Variants in DNAH14 observed in about 807,000 individuals in gnomAD.
The protein encoded by DNAH14 is dynein axonemal heavy chain 14.
Under a neutral mutation model 520.9 loss-of-function variants are expected in DNAH14, and 478 were observed. That is an observed-to-expected ratio of 0.92 (90% CI 0.85 to 0.99). The LOEUF is 0.99. Ranked by LOEUF, DNAH14 falls within the 50% of genes least tolerant of loss-of-function variation. The pLI, the probability that DNAH14 is intolerant of heterozygous loss-of-function variation, is 0.00. For missense variants in DNAH14, 4,831 were observed against 5,234.5 expected, an observed-to-expected ratio of 0.92 and a Z score of 2.38; for synonymous variants, 1,581 against 1,757.2, an observed-to-expected ratio of 0.90 and a Z score of 2.51.
intron 15 of DNAH14, among the ~76,000 whole-genome samples, chr1:225,049,335 A>G (rs191745144): frequency 1.3e-5 from 2 of 151,982 alleles, no homozygotes; most frequent in East Asian, 3.9e-4. Flanking sequence ...TGCTGGGATT[A>G]CATGCAGGGG....
chr1:225,290,847 TCAAA>T (rs2093871961), intron 55 of DNAH14, among the ~76,000 whole-genome samples: 1 of 151,526 alleles, frequency 6.6e-6, no homozygotes, highest in Non-Finnish European at 1.5e-5. Context: ...ATTCATTATC[TCAAA>T]CATTTATCAT....
At chr1:225,133,511 T>A (rs533185059) in intron 27 of DNAH14, among the ~76,000 whole-genome samples, 1 of 152,088 alleles carries the variant, frequency 6.6e-6, no homozygotes, top group Non-Finnish European at 1.5e-5. Context: ...GTTTTGATCA[T>A]GTTTGTGGAA....
At chr1:225,277,594 C>A in intron 54 of DNAH14, 92 bp downstream of exon 54, 1 of 422,596 alleles carries the variant, frequency 2.4e-6, no homozygotes, top group Non-Finnish European at 4.9e-6. Flanking sequence ...TTTATTTAGC[C>A]ACACTTTGTG....
intron 42 of DNAH14, among the ~76,000 whole-genome samples, chr1:225,238,223 T>G (rs1361383446): frequency 6.6e-6 from 1 of 152,248 alleles, no homozygotes; most frequent in Non-Finnish European, 1.5e-5. Flanking sequence ...CATTTTTGCA[T>G]TGATTCTTTC....
intron 84 of DNAH14, among the ~76,000 whole-genome samples, chr1:225,393,814 G>GTTTTTTTTTTTTTTTTTTTTT (rs1354333069): frequency 7.0e-6 from 1 of 143,120 alleles, no homozygotes. Context: ...ATCTTTTTTT[G>GTTTTTTTTTTTTTTTTTTTTT]TTTTTTTTTT....
chr1:225,164,750 T>C (rs2081880204), intron 35 of DNAH14, among the ~76,000 whole-genome samples: 1 of 152,082 alleles, frequency 6.6e-6, no homozygotes, highest in African/African-American at 2.4e-5. Flanking sequence ...ATTTGTCCCT[T>C]TCAAGATAAG....
At chr1:224,933,068 A>G (rs1341658947) in intron 1 of DNAH14, among the ~76,000 whole-genome samples, 1 of 152,048 alleles carries the variant, frequency 6.6e-6, no homozygotes, top group African/African-American at 2.4e-5. Flanking sequence ...TGAGCATGGG[A>G]TGCTTTTTTA....
intron 10 of DNAH14, among the ~76,000 whole-genome samples, chr1:225,009,498 G>A (rs1439597187): frequency 1.3e-5 from 2 of 152,148 alleles, no homozygotes; most frequent in African/African-American, 4.8e-5. Flanking sequence ...TGCTGTTTTG[G>A]TTACTGCAGC....
intron 13 of DNAH14, among the ~76,000 whole-genome samples, chr1:225,043,521 G>C (rs939657883): frequency 5.3e-5 from 8 of 152,106 alleles, no homozygotes; most frequent in African/African-American, 1.9e-4. Flanking sequence ...CAGAGCCGAG[G>C]GCCCCGTTCA....
chr1:225,168,076 G>A (rs2082208261), intron 36 of DNAH14, 48 bp downstream of exon 36: 1 of 1,098,400 alleles, frequency 9.1e-7, no homozygotes, highest in African/African-American at 1.6e-5. Context: ...TATTTCAATA[G>A]GAATTAATAA....
chr1:225,297,522 G>A (rs1407361641), intron 55 of DNAH14, among the ~76,000 whole-genome samples: 2 of 152,172 alleles, frequency 1.3e-5, no homozygotes, highest in Non-Finnish European at 2.9e-5. Context: ...TTCATAAGGA[G>A]AGACTTATTC....
intron 61 of DNAH14, among the ~76,000 whole-genome samples, chr1:225,322,071 C>CTT (rs1209172928): frequency 9.1e-6 from 1 of 109,686 alleles, no homozygotes; most frequent in Non-Finnish European, 2.0e-5. Flanking sequence ...GAAGACTTTT[C>CTT]TTTTTTTTTC....
intron 81 of DNAH14, among the ~76,000 whole-genome samples, chr1:225,387,239 T>G (rs2095851785): frequency 6.7e-6 from 1 of 149,330 alleles, no homozygotes; most frequent in Non-Finnish European, 1.5e-5. Context: ...GCCTGTCATG[T>G]GTGGGGGGGA....
At chr1:225,251,673 T>C (rs2092557688) in intron 43 of DNAH14, among the ~76,000 whole-genome samples, 1 of 152,088 alleles carries the variant, frequency 6.6e-6, no homozygotes, top group Non-Finnish European at 1.5e-5. Flanking sequence ...ATATATAAAT[T>C]ACGTATCAAA....
Position 225,271,991 on chromosome 1 carries a change from C to G in DNAH14, c.7757C>G (p.Ala2586Gly). 1.3e-6 allele frequency: 2 copies of G among 1,550,544 alleles called. No individual in the cohort carries two copies. The highest frequency in any genetic ancestry group is 1.7e-6 in the Non-Finnish European group (2 of 1,146,320). Residue 2586 changes from alanine (A) to glycine (G), a missense_variant, in exon 51 of 86, where the codon GCT becomes GGT. By Grantham distance (60) the Ala-to-Gly change is moderately conservative. Coordinates refer to ENST00000682510, the MANE Select transcript of DNAH14 (RefSeq NM_001367479.1). Reference protein sequence around the residue: ...SKDQIISCSLAIYHQVRQNML... With the variant: ...SKDQIISCSLGIYHQVRQNML... ...GATCAGATAATATCTTGTTCCCTAG[C>G]TATATACCATCAAGTACGTCAGAAT...
chr1:224,968,900 T>G (rs1035433348), intron 7 of DNAH14, 26 bp downstream of exon 7: 158 of 1,473,856 alleles, frequency 1.1e-4, no homozygotes, highest in Non-Finnish European at 1.4e-4. Context: ...TGAAACCAAT[T>G]CTTTGTAGTT....
rs536557968 is a variant in DNAH14, at chr1:225,168,327, G to A, written c.5535+299G>A. Reference sequence around the variant, plus strand: ...TGTTGAACAGTGGGTGCAGTGCAGCGAGCGTGAGCCGAAGCAGGGCGAGGC... The same window carrying A: ...TGTTGAACAGTGGGTGCAGTGCAGCAAGCGTGAGCCGAAGCAGGGCGAGGC... On this transcript the variant is annotated intron_variant, in intron 36 of 85. Transcript: ENST00000682510. Among the ~76,000 whole-genome samples the A allele has an allele frequency of 5.6e-4, 85 of 152,272 alleles. 1 individual carries two copies. In the South Asian group the frequency reaches 0.015, roughly 27 times the overall value.
In DNAH14 at chr1:225,289,989, C is replaced by A; in HGVS notation, c.8376C>A (p.Ile2792=). ...CTATATCTCACAAATGTGCCTACATCGAATTCAAAGAAGTCTTTAAAAAGG... is the reference window on the plus strand; with the variant it reads ...CTATATCTCACAAATGTGCCTACATAGAATTCAAAGAAGTCTTTAAAAAGG... ...RVPISHKCAY[I]EFKEVFKKVF... is the part of the protein sequence containing the mutation. The change falls in exon 55 of 86, where the codon ATC becomes ATA. Residue 2792 remains isoleucine (I), a synonymous_variant. Coordinates refer to ENST00000682510, the MANE Select transcript of DNAH14 (RefSeq NM_001367479.1). The A allele has an allele frequency of 1.3e-6, 2 of 1,543,128 alleles. No homozygotes were observed. Among genetic ancestry groups the A allele is most frequent in the Non-Finnish European group, 1.8e-6 (2 of 1,142,340 alleles).
intron 23 of DNAH14, among the ~76,000 whole-genome samples, chr1:225,108,401 T>G (rs893975587): frequency 1.3e-5 from 2 of 152,182 alleles, no homozygotes; most frequent in African/African-American, 4.8e-5. Context: ...TCAATACTCC[T>G]TAATAAACTC....
Sources: gnomAD v4.1 joint callset for allele counts (sites outside exome capture counted in the v4.1 genomes callset) on GRCh38, gnomAD v4.1.1 for gene constraint, MANE v1.5 for transcripts, NCBI Gene and HGNC (gene_info 2026-07-23, HGNC 2026-07-21) for gene names.